GFRAL: variants seen among roughly 807,000 people sequenced by gnomAD.
GFRAL encodes the protein GDNF family receptor alpha like, also known as GDNF family receptor alpha-like.
GFRAL carries 36 observed loss-of-function variants against 45.4 expected under a neutral mutation model. The ratio of observed to expected loss-of-function variants is 0.79; its 90% CI spans 0.61 to 1.05. The LOEUF (loss-of-function observed/expected upper bound fraction) is 1.05, where lower values mean the gene tolerates loss of function less well. GFRAL is among the 50% of genes least tolerant of loss of function. GFRAL has a pLI of 0.00. For synonymous variants in GFRAL, 166 were observed against 154.1 expected (o/e 1.08, Z -0.57); for missense variants, 507 against 467.5 (o/e 1.08, Z -0.78).
intron 6 of GFRAL, among the ~76,000 whole-genome samples, chr6:55,368,978 A>C (rs566303808): frequency 6.6e-6 from 1 of 152,050 alleles, no homozygotes; most frequent in South Asian, 2.1e-4. Flanking sequence ...ACCCAGTTGG[A>C]GCTTCCCGGC....
chr6:55,379,713 T>A (rs2127362841), intron 6 of GFRAL, among the ~76,000 whole-genome samples: 1 of 152,044 alleles, frequency 6.6e-6, no homozygotes, highest in African/African-American at 2.4e-5. Flanking sequence ...GAATGTAATA[T>A]ATCATCATTA....
intron 2 of GFRAL, 59 bp from the exon 3 acceptor site, chr6:55,333,727 G>A: frequency 7.1e-6 from 8 of 1,125,064 alleles, no homozygotes; most frequent in Non-Finnish European, 7.2e-6. Context: ...ACTTTGGGGA[G>A]GAAGAATCCA....
intron 6 of GFRAL, among the ~76,000 whole-genome samples, chr6:55,388,604 A>C (rs79765299): frequency 0.01 from 1,588 of 152,202 alleles, 9 homozygotes; most frequent in Middle Eastern, 0.02. Context: ...TACTTCCAAC[A>C]CTTCTACACA....
chr6:55,363,421 T>C (rs1449415332), intron 6 of GFRAL, among the ~76,000 whole-genome samples: 3 of 136,512 alleles, frequency 2.2e-5, no homozygotes, highest in Non-Finnish European at 4.6e-5. Flanking sequence ...TTTACATACA[T>C]GGTAGCTTAA....
intron 6 of GFRAL, among the ~76,000 whole-genome samples, chr6:55,373,480 C>G (rs909340091): frequency 3.9e-5 from 6 of 152,118 alleles, no homozygotes; most frequent in African/African-American, 1.4e-4. Context: ...TTAGATTTCT[C>G]ATGTACTTGC....
intron 6 of GFRAL, among the ~76,000 whole-genome samples, chr6:55,369,367 G>A (rs531002410): frequency 1.2e-4 from 18 of 152,256 alleles, no homozygotes; most frequent in Non-Finnish European, 2.1e-4. Context: ...AGATGAACCC[G>A]GTACCTCGGA....
intron 3 of GFRAL, among the ~76,000 whole-genome samples, chr6:55,343,984 A>T (rs1202531727): frequency 6.6e-6 from 1 of 152,222 alleles, no homozygotes; most frequent in African/African-American, 2.4e-5. Context: ...AGACTAAACC[A>T]GGAAAAAGTT....
intron 5 of GFRAL, among the ~76,000 whole-genome samples, chr6:55,355,401 C>T (rs534496359): frequency 6.6e-6 from 1 of 151,996 alleles, no homozygotes; most frequent in African/African-American, 2.4e-5. Context: ...TAGAGTATGC[C>T]ATTGCATGGA....
intron 5 of GFRAL, among the ~76,000 whole-genome samples, chr6:55,354,500 C>T (rs1768162244): frequency 6.6e-6 from 1 of 151,946 alleles, no homozygotes; most frequent in Admixed American, 6.6e-5. Context: ...AGTGTAAGGA[C>T]TGTGTGTCTT....
At chr6:55,358,799 C>T in intron 5 of GFRAL, 89 bp from the exon 6 acceptor site, 1 of 1,263,764 alleles carries the variant, frequency 7.9e-7, no homozygotes, top group Non-Finnish European at 1.1e-6. Context: ...GCATTGTGTT[C>T]TATGTCTTTC....
chr6:55,343,263 C>T (rs1767994500), intron 3 of GFRAL, among the ~76,000 whole-genome samples: 1 of 152,126 alleles, frequency 6.6e-6, no homozygotes, highest in Admixed American at 6.5e-5. Flanking sequence ...CGAAAATTGA[C>T]CACATAGTTG....
intron 6 of GFRAL, among the ~76,000 whole-genome samples, chr6:55,371,679 T>C (rs1768452166): frequency 6.6e-6 from 1 of 152,232 alleles, no homozygotes; most frequent in African/African-American, 2.4e-5. Context: ...TTTTATTAAA[T>C]GCTACTATAC....
intron 6 of GFRAL, among the ~76,000 whole-genome samples, chr6:55,363,244 T>C (rs1441408213): frequency 6.6e-6 from 1 of 152,008 alleles, no homozygotes; most frequent in Non-Finnish European, 1.5e-5. Flanking sequence ...TTTTGAACTT[T>C]TTCTTTACTT....
chr6:55,363,593 CCA>C (rs1768310086), intron 6 of GFRAL, among the ~76,000 whole-genome samples: 1 of 118,058 alleles, frequency 8.5e-6, no homozygotes, highest in African/African-American at 3.2e-5. Flanking sequence ...CCCCCTCCCC[CCA>C]CCCCACCTCA....
chr6:55,387,322 G>A (rs778236444), intron 6 of GFRAL, among the ~76,000 whole-genome samples: 9 of 152,132 alleles, frequency 5.9e-5, no homozygotes, highest in Non-Finnish European at 1.0e-4. Flanking sequence ...TCCTCTTGTT[G>A]CCTATAATTG....
intron 3 of GFRAL, among the ~76,000 whole-genome samples, chr6:55,339,070 G>A (rs60146402): frequency 0.054 from 8,205 of 152,038 alleles, 869 homozygotes; most frequent in East Asian, 0.34. Flanking sequence ...CTAAGGCACC[G>A]GTCCTGAGAA....
At chr6:55,373,535 C>A (rs12530151) in intron 6 of GFRAL, among the ~76,000 whole-genome samples, 6,298 of 152,148 alleles carry the variant, frequency 0.041, 854 homozygotes, top group East Asian at 0.37. Context: ...AAAAATTTTT[C>A]TTGACTTAGT....
intron 1 of GFRAL, among the ~76,000 whole-genome samples, 198 bp from the exon 2 acceptor site, chr6:55,331,517 T>C (rs1767829311): frequency 6.6e-6 from 1 of 152,100 alleles, no homozygotes; most frequent in Non-Finnish European, 1.5e-5. Flanking sequence ...AATGAGCAAA[T>C]TTAAAATATT....
At chr6:55,343,126 G>C (rs6937930) in intron 3 of GFRAL, among the ~76,000 whole-genome samples, 73,700 of 151,820 alleles carry the variant, frequency 0.49, 19,289 homozygotes, top group Non-Finnish European at 0.6. Context: ...AATGAGACAG[G>C]AAGGTAACAA....
Sources: gnomAD v4.1 joint callset for allele counts (sites outside exome capture counted in the v4.1 genomes callset) on GRCh38, gnomAD v4.1.1 for gene constraint, MANE v1.5 for transcripts, NCBI Gene and HGNC (gene_info 2026-07-23, HGNC 2026-07-21) for gene names.